The following KBTBD11 variants were observed in gnomAD, a reference collection of about 807,000 sequenced individuals.
KBTBD11 encodes the protein kelch repeat and BTB domain-containing protein 11.
For missense variants in KBTBD11, 1,390 were observed against 1,001.8 expected (o/e 1.39, Z -5.23); for synonymous variants, 747 against 499.0 (o/e 1.50, Z -6.63).
Position 2,004,528 on chromosome 8 carries a change from G to A in KBTBD11, c.*1464G>A, listed in dbSNP as rs1338032363. ...ACTGCCATCTCTGTAGAAATCAGTGGGTAATTGAAAAATAGGTTATGCTTT... is the reference window on the plus strand; with the variant it reads ...ACTGCCATCTCTGTAGAAATCAGTGAGTAATTGAAAAATAGGTTATGCTTT... On this transcript the variant is annotated 3_prime_UTR_variant, in exon 2 of 2. Coordinates refer to ENST00000320248, the MANE Select transcript of KBTBD11 (RefSeq NM_014867.3). 6.0e-6 allele frequency: 1 copy of A among 167,042 alleles called. No homozygotes were observed. Among genetic ancestry groups the A allele is most frequent in the Non-Finnish European group, 1.5e-5 (1 of 68,124 alleles). 10.3% of individuals were successfully genotyped at this position (167,042 alleles called of 1,614,324 possible).
Position 2,004,246 on chromosome 8 carries a change from C to G in KBTBD11, c.*1182C>G, listed in dbSNP as rs1461874341. On this transcript the variant is annotated 3_prime_UTR_variant, in exon 2 of 2. Transcript: ENST00000320248. ...ACCCTAATAGAATTAACACGAGGCT[C>G]ACTGCATTGACAGGGTATGAGGATT... 6.0e-6 allele frequency: 1 copy of G among 166,946 alleles called. No individual in the cohort carries two copies. The highest frequency in any genetic ancestry group is 1.5e-5 in the Non-Finnish European group (1 of 68,120). 10.3% of individuals were successfully genotyped at this position (166,946 alleles called of 1,614,324 possible). A position where few individuals can be genotyped will look rare whatever the true frequency, so the allele number is the denominator to read the frequency against.
At chr8:1,974,920 C>G (rs1404672997) in intron 1 of KBTBD11, 1 of 163,694 alleles carries the variant, frequency 6.1e-6, no homozygotes, top group Admixed American at 6.5e-5. Context: ...AAAGTTCCAG[C>G]CATCCCCTCA....
intron 1 of KBTBD11, among the ~76,000 whole-genome samples, chr8:1,989,470 A>C (rs1816828108): frequency 6.6e-6 from 1 of 152,160 alleles, no homozygotes; most frequent in Non-Finnish European, 1.5e-5. Flanking sequence ...AGGACATCTC[A>C]TTCCTCTTCT....
intron 1 of KBTBD11, among the ~76,000 whole-genome samples, chr8:1,984,217 C>T: frequency 6.6e-6 from 1 of 151,084 alleles, no homozygotes; most frequent in South Asian, 2.1e-4. Flanking sequence ...GTGGGAGGAT[C>T]ACTTGAGCCT....
At chr8:1,984,847 C>T (rs746553386) in intron 1 of KBTBD11, among the ~76,000 whole-genome samples, 4 of 152,162 alleles carry the variant, frequency 2.6e-5, no homozygotes, top group South Asian at 2.1e-4. Flanking sequence ...TTTAAGGCCA[C>T]GTACGTTTCA....
intron 1 of KBTBD11, among the ~76,000 whole-genome samples, chr8:1,985,482 G>A (rs557300681): frequency 5.9e-5 from 9 of 152,378 alleles, no homozygotes; most frequent in East Asian, 1.9e-4. Flanking sequence ...GGCGCCCGGC[G>A]CCCGGCAAGC....
In KBTBD11 at chr8:1,979,768, G is replaced by A. The variant is rs557948106; in HGVS notation, c.-909+5833G>A. ...GGAGAAGTGTGTGGCAGACAGGGGTGTGTGGCCCACGCGGTCCTGAAGTGC... is the reference window on the plus strand; with the variant it reads ...GGAGAAGTGTGTGGCAGACAGGGGTATGTGGCCCACGCGGTCCTGAAGTGC... On this transcript the variant is annotated intron_variant, in intron 1 of 1. Coordinates refer to ENST00000320248, the MANE Select transcript of KBTBD11 (RefSeq NM_014867.3). Among the ~76,000 whole-genome samples the A allele has an allele frequency of 6.6e-5, 10 of 152,374 alleles. 1 individual carries two copies. Among genetic ancestry groups the A allele is most frequent in the South Asian group, 6.2e-4 (3 of 4,832 alleles).
rs1281758417 is a variant in KBTBD11, at chr8:2,005,444, G to T, written c.*2380G>T. The T allele has an allele frequency of 6.1e-6, 1 of 164,180 alleles. No individual in the cohort carries two copies. Among genetic ancestry groups the T allele is most frequent in the African/African-American group, 2.5e-5 (1 of 40,404 alleles). 10.2% of individuals were successfully genotyped at this position (164,180 alleles called of 1,614,324 possible). On this transcript the variant is annotated 3_prime_UTR_variant, in exon 2 of 2. Transcript: ENST00000320248. ...TGCTTTTTGGGGGCCAGTCCCTGGG[G>T]TGTGGAGCCGCTAGGGTTTGCACCC...
intron 1 of KBTBD11, among the ~76,000 whole-genome samples, chr8:1,988,817 A>G (rs1816783590): frequency 6.6e-6 from 1 of 152,184 alleles, no homozygotes; most frequent in South Asian, 2.1e-4. Flanking sequence ...TAAATACTTC[A>G]TATATGTCTG....
At position 2,006,485 on chromosome 8, in the gene KBTBD11, G is replaced by A. The variant is rs996575933; in HGVS notation, c.*3421G>A. Reference sequence around the variant, plus strand: ...CCTTCTGCAATGTTATTGTTCATAAGAAAACACGAGCTGAAAATGGAAATC... The same window carrying A: ...CCTTCTGCAATGTTATTGTTCATAAAAAAACACGAGCTGAAAATGGAAATC... On this transcript the variant is annotated 3_prime_UTR_variant, in exon 2 of 2. Transcript: ENST00000320248. 1 of 166,936 alleles carries A rather than the reference G, an allele frequency of 6.0e-6. No individual in the cohort carries two copies. The highest frequency in any genetic ancestry group is 6.5e-5 in the Admixed American group (1 of 15,288). 10.3% of individuals were successfully genotyped at this position (166,936 alleles called of 1,614,324 possible).
intron 1 of KBTBD11, among the ~76,000 whole-genome samples, chr8:1,979,060 G>C (rs1391479454): frequency 6.6e-6 from 1 of 152,080 alleles, no homozygotes; most frequent in Non-Finnish European, 1.5e-5. Context: ...CTGGGTACAT[G>C]TGTGTGCATG....
chr8:1,990,304 C>T (rs1354013625), intron 1 of KBTBD11, among the ~76,000 whole-genome samples: 3 of 147,268 alleles, frequency 2.0e-5, no homozygotes, highest in Admixed American at 6.7e-5. Flanking sequence ...GTGCCCTGTC[C>T]GGGTGGGTAC....
chr8:1,999,110 G>A (rs1817251092), intron 1 of KBTBD11, among the ~76,000 whole-genome samples: 1 of 152,218 alleles, frequency 6.6e-6, no homozygotes, highest in Non-Finnish European at 1.5e-5. Context: ...TATGCACATA[G>A]GGAGTGTGCC....
Position 2,005,736 on chromosome 8 carries a change from C to T in KBTBD11, c.*2672C>T, listed in dbSNP as rs1039253728. The T allele has an allele frequency of 5.4e-5, 9 of 167,134 alleles. No individual in the cohort carries two copies. The highest frequency in any genetic ancestry group is 1.3e-4 in the Non-Finnish European group (9 of 68,136). 10.4% of individuals were successfully genotyped at this position (167,134 alleles called of 1,614,324 possible). ...CTGTCCACACTCCTCATGAAATTAA[C>T]CCGTATGCCGGGGCATTTCCAAATG... On this transcript the variant is annotated 3_prime_UTR_variant, in exon 2 of 2. Transcript: ENST00000320248.
At chr8:1,979,408 T>C (rs1816461703) in intron 1 of KBTBD11, among the ~76,000 whole-genome samples, 1 of 152,182 alleles carries the variant, frequency 6.6e-6, no homozygotes, top group South Asian at 2.1e-4. Context: ...GGTAGGCAGA[T>C]CACTTGAGGT....
chr8:2,002,773 C>A lies in KBTBD11; in HGVS notation c.1581C>A (p.Tyr527Ter). The change falls in exon 2 of 2, where the codon TAC (tyrosine) becomes TAA (stop). Residue 527 changes from tyrosine to a stop codon, truncating the protein, a stop_gained. Coordinates refer to ENST00000320248, the MANE Select transcript of KBTBD11 (RefSeq NM_014867.3). LOFTEE classifies it low-confidence loss of function (END_TRUNC). This position sits in a 1 kb window ranked among gnomAD's most constrained non-coding sequence, Gnocchi z 4.1. The part of the protein sequence containing the change: ...AGPSGVSVSR[Y>*]HCLAKQWSPC... ...CGAGCGGGGTCAGCGTGTCCCGATA[C>A]CACTGCCTGGCCAAGCAGTGGAGCC... The A allele has an allele frequency of 6.8e-7, 1 of 1,475,510 alleles. No homozygotes were observed. 91.4% of individuals were successfully genotyped at this position (1,475,510 alleles called of 1,614,324 possible).
In KBTBD11 at chr8:1,973,939, G is replaced by A. The variant is rs1242431726; in HGVS notation, c.-909+4G>A. 6.1e-6 allele frequency: 6 copies of A among 982,908 alleles called. No individual in the cohort carries two copies. The highest frequency in any genetic ancestry group is 6.2e-5 in the Admixed American group (1 of 16,094). The allele number at this position is 982,908 out of a possible 1,614,324, so 60.9% of individuals were successfully genotyped here. Reference sequence around the variant, plus strand: ...GCTGAAGAGGAGCCGCGGCGAGGTAGGGCGGACCCCGGGGAGGCAGCGGCG... The same window carrying A: ...GCTGAAGAGGAGCCGCGGCGAGGTAAGGCGGACCCCGGGGAGGCAGCGGCG... On this transcript the variant is annotated splice_donor_region_variant and intron_variant, in intron 1 of 1. Transcript: ENST00000320248.
Position 2,001,337 on chromosome 8 carries a change from TC to T in KBTBD11, c.149del (p.Pro50ArgfsTer130). 6.6e-7 allele frequency: 1 copy of T among 1,505,876 alleles called. No homozygotes were observed. 93.3% of individuals were successfully genotyped at this position (1,505,876 alleles called of 1,614,324 possible). On this transcript the variant is annotated frameshift_variant, in exon 2 of 2. Coordinates refer to ENST00000320248, the MANE Select transcript of KBTBD11 (RefSeq NM_014867.3). LOFTEE classifies it low-confidence loss of function (END_TRUNC). ...ASLCFSSGEE[S>X]PPQSLASAAE... ...CCTGTGCTTCAGCTCCGGGGAAGAG[TC>T]CCCGCCGCAGTCCCTCGCCTCAGCG...
intron 1 of KBTBD11, among the ~76,000 whole-genome samples, chr8:1,983,754 C>A (rs1816617576): frequency 6.6e-6 from 1 of 152,224 alleles, no homozygotes; most frequent in Non-Finnish European, 1.5e-5. Context: ...CTTATCTCTC[C>A]CAATTAATTT....
Sources: allele counts gnomAD v4.1 joint callset (sites outside exome capture counted in the v4.1 genomes callset), GRCh38; gene constraint gnomAD v4.1.1; non-coding constraint Gnocchi (gnomAD v3.1); transcripts MANE v1.5; gene names NCBI Gene and HGNC (gene_info 2026-07-23, HGNC 2026-07-21).